Variants in GPR89B observed in about 807,000 individuals in gnomAD.
The protein encoded by GPR89B is G protein-coupled receptor 89B.
A neutral mutation model predicts 52.4 loss-of-function variants in GPR89B; 25 were observed. The ratio of observed to expected loss-of-function variants is 0.48; its 90% CI spans 0.35 to 0.67. The LOEUF (loss-of-function observed/expected upper bound fraction) is 0.67, where lower values mean the gene tolerates loss of function less well. Ranked by LOEUF, GPR89B falls within the 30% of genes least tolerant of loss-of-function variation. The probability of loss-of-function intolerance (pLI) is 0.01; values close to 1 mark genes in which losing one functional copy is unlikely to be tolerated. For synonymous variants in GPR89B, 52 were observed against 151.2 expected (o/e 0.34, Z 4.81); for missense variants, 146 against 450.2 (o/e 0.32, Z 6.11).
At chr1:148,022,202 T>C in the GPR89B span, among the ~76,000 whole-genome samples, 5 of 151,688 alleles carry the variant, frequency 3.3e-5, no homozygotes, top group East Asian at 5.9e-4. Context: ...TCTACAGTTC[T>C]TCCAGGATTG....
chr1:147,951,046 G>C (rs1370067287), intron 5 of GPR89B, among the ~76,000 whole-genome samples: 1 of 151,862 alleles, frequency 6.6e-6, no homozygotes. Context: ...ATGAAACAAG[G>C]ATTGGAAAAT....
chr1:148,008,852 A>G, the GPR89B span, among the ~76,000 whole-genome samples: 2 of 152,328 alleles, frequency 1.3e-5, no homozygotes, highest in Non-Finnish European at 1.5e-5. Context: ...AGCAAAGGTA[A>G]CAGTGCCTGG....
rs1553247955 is a variant in GPR89B, at chr1:147,936,651, C to T, written c.67C>T (p.Leu23Phe). ...SQILFFGFGW[L>F]FFMRQLFKDY... is the part of the protein sequence containing the mutation. ...GATACTATTTTTTGGATTTGGGTGGCTTTTCTTCATGCGCCAATTGTTTAA... is the reference window on the plus strand; with the variant it reads ...GATACTATTTTTTGGATTTGGGTGGTTTTTCTTCATGCGCCAATTGTTTAA... The change falls in exon 2 of 14, where the codon CTT becomes TTT. Residue 23 changes from leucine to phenylalanine, a missense_variant. Physicochemically the swap from Leu to Phe is conservative, Grantham distance 22 (BLOSUM62 0). Transcript: ENST00000314163. 1 of 1,611,820 alleles carries T rather than the reference C, an allele frequency of 6.2e-7. No homozygotes were observed. Among genetic ancestry groups the T allele is most frequent in the East Asian group, 2.2e-5 (1 of 44,768 alleles).
chr1:148,021,462 A>G, the GPR89B span, among the ~76,000 whole-genome samples: 1 of 151,858 alleles, frequency 6.6e-6, no homozygotes, highest in South Asian at 2.1e-4. Flanking sequence ...AGATCGCGCC[A>G]TTGCACTCCA....
At chr1:147,950,108 C>T (rs1571254242) in intron 5 of GPR89B, among the ~76,000 whole-genome samples, 1 of 151,506 alleles carries the variant, frequency 6.6e-6, no homozygotes, top group East Asian at 2.0e-4. Flanking sequence ...GGGGTGGCTG[C>T]CGGGCAGAGA....
intron 3 of GPR89B, among the ~76,000 whole-genome samples, chr1:147,942,227 C>T (rs1275530336): frequency 6.6e-6 from 1 of 151,032 alleles, no homozygotes; most frequent in Non-Finnish European, 1.5e-5. Context: ...TACCATTAGC[C>T]ATCAAGGAAA....
chr1:148,018,668 A>C, the GPR89B span, among the ~76,000 whole-genome samples: 1 of 151,518 alleles, frequency 6.6e-6, no homozygotes. Context: ...CATTATTATT[A>C]TTATTATTAT....
At chr1:148,021,635 C>A in the GPR89B span, among the ~76,000 whole-genome samples, 1 of 151,548 alleles carries the variant, frequency 6.6e-6, no homozygotes, top group East Asian at 1.9e-4. Flanking sequence ...ACCTTCCTGT[C>A]GAGGAAGGCC....
intron 10 of GPR89B, among the ~76,000 whole-genome samples, chr1:147,980,818 CAAAAA>C (rs1176400328): frequency 4.0e-4 from 9 of 22,568 alleles, no homozygotes; most frequent in Admixed American, 6.5e-4. Context: ...GACTCCGTCT[CAAAAA>C]AAAAAAAAAA....
At chr1:147,968,411 T>G (rs1657186853) in intron 8 of GPR89B, 5 of 454,266 alleles carry the variant, frequency 1.1e-5, no homozygotes, top group African/African-American at 1.0e-4. Flanking sequence ...AAGAAGATAA[T>G]GTTTGAAAAG....
chr1:147,955,339 G>A (rs1399728675), intron 7 of GPR89B, among the ~76,000 whole-genome samples: 6,450 of 151,652 alleles, frequency 0.043, 213 homozygotes, highest in African/African-American at 0.071. Context: ...TAACTTGGCT[G>A]TTGTAAATAA....
chr1:148,013,366 C>A, the GPR89B span, among the ~76,000 whole-genome samples: 2 of 152,148 alleles, frequency 1.3e-5, no homozygotes, highest in East Asian at 3.8e-4. Context: ...GCCCTGCTTT[C>A]TTCTGATGTT....
At chr1:147,933,079 A>G (rs201670462) in intron 1 of GPR89B, among the ~76,000 whole-genome samples, 4 of 152,294 alleles carry the variant, frequency 2.6e-5, no homozygotes, top group Admixed American at 6.5e-5. Flanking sequence ...AAAGTTACCT[A>G]ATAATATTAA....
the GPR89B span, chr1:148,015,007 C>G: frequency 6.6e-6 from 1 of 151,766 alleles, no homozygotes; most frequent in Non-Finnish European, 1.5e-5. Context: ...GTGGCTCCGC[C>G]TAGCATTGGA....
chr1:148,004,886 AACACAC>A, the GPR89B span, among the ~76,000 whole-genome samples: 2,720 of 111,816 alleles, frequency 0.024, 96 homozygotes, highest in East Asian at 0.071. Flanking sequence ...ATCTCTACAA[AACACAC>A]ACACACACAC....
chr1:147,981,318 G>C (rs1361625864), intron 10 of GPR89B, among the ~76,000 whole-genome samples: 1 of 149,262 alleles, frequency 6.7e-6, no homozygotes, highest in African/African-American at 2.5e-5. Flanking sequence ...CTCCCTCCCC[G>C]ACACACACAC....
At chr1:148,002,089 G>T in the GPR89B span, among the ~76,000 whole-genome samples, 1 of 142,390 alleles carries the variant, frequency 7.0e-6, no homozygotes, top group Non-Finnish European at 1.5e-5. Flanking sequence ...CCAGCTAGCT[G>T]CTGGGTATCT....
the GPR89B span, among the ~76,000 whole-genome samples, chr1:148,004,461 G>A: frequency 1.5e-4 from 22 of 143,640 alleles, no homozygotes; most frequent in South Asian, 1.2e-3. Context: ...CACCGCGCCC[G>A]GCCCCTATCT....
chr1:147,965,325 C>A (rs1360069176), intron 7 of GPR89B, among the ~76,000 whole-genome samples: 1 of 150,774 alleles, frequency 6.6e-6, no homozygotes, highest in Admixed American at 6.6e-5. Flanking sequence ...TGTATTAGTC[C>A]CAGGCATAAA....
Sources: gnomAD v4.1 joint callset for allele counts (sites outside exome capture counted in the v4.1 genomes callset) on GRCh38, gnomAD v4.1.1 for gene constraint, MANE v1.5 for transcripts, NCBI Gene and HGNC (gene_info 2026-07-23, HGNC 2026-07-21) for gene names.